Variants in NALCN observed in about 807,000 individuals in gnomAD.
NALCN encodes sodium leak channel, non-selective, also known as sodium leak channel NALCN.
NALCN carries 111 observed loss-of-function variants against 225.3 expected under a neutral mutation model. That is an observed-to-expected ratio of 0.49 (90% CI 0.42 to 0.58). The LOEUF (loss-of-function observed/expected upper bound fraction) is 0.58. Ranked by LOEUF, NALCN falls within the 20% of genes least tolerant of loss-of-function variation. The probability of loss-of-function intolerance (pLI) is 0.00; values close to 1 mark genes in which losing one functional copy is unlikely to be tolerated. For synonymous variants in NALCN, 764 were observed against 769.0 expected (o/e 0.99, Z 0.11); for missense variants, 1,378 against 2,202.4 (o/e 0.63, Z 7.49).
chr13:101,206,193 C>A (rs1025843749), intron 13 of NALCN, among the ~76,000 whole-genome samples: 3 of 152,006 alleles, frequency 2.0e-5, no homozygotes, highest in African/African-American at 7.2e-5. Context: ...AAATCTCACC[C>A]AATTCCTGCC....
At position 101,083,930 on chromosome 13, in the gene NALCN, G is replaced by A. The variant is rs537728491; in HGVS notation, c.3490-126C>T. ...TTGCACTGACCATGTTCTTCCAACC[G>A]TGGTGGTGAGAGAAACATGGTCAGA... On this transcript the variant is annotated intron_variant, in intron 30 of 43. Transcript: ENST00000251127. 14 of 758,710 alleles carry A rather than the reference G, an allele frequency of 1.8e-5. No individual in the cohort carries two copies. In the African/African-American group the frequency reaches 2.3e-4, roughly 12 times the overall value. The allele number at this position is 758,710 out of a possible 1,614,324, so 47.0% of individuals were successfully genotyped here.
chr13:101,296,237 G>A (rs1288992132), intron 7 of NALCN, among the ~76,000 whole-genome samples: 1 of 152,136 alleles, frequency 6.6e-6, no homozygotes, highest in East Asian at 1.9e-4. Flanking sequence ...TTTCATTTCT[G>A]TACCAGACAC....
chr13:101,250,921 C>T (rs1461753331), intron 11 of NALCN, among the ~76,000 whole-genome samples: 1 of 151,736 alleles, frequency 6.6e-6, no homozygotes, highest in Admixed American at 6.6e-5. Flanking sequence ...GGTCAAATCT[C>T]TATGGTAACC....
At chr13:101,199,566 G>A (rs943687735) in intron 13 of NALCN, among the ~76,000 whole-genome samples, 23 of 145,000 alleles carry the variant, frequency 1.6e-4, no homozygotes, top group Admixed American at 2.2e-4. Flanking sequence ...ACCAAACACC[G>A]CATGTTCTCA....
intron 18 of NALCN, among the ~76,000 whole-genome samples, chr13:101,114,012 G>T (rs2139658069): frequency 6.6e-6 from 1 of 152,222 alleles, no homozygotes; most frequent in East Asian, 1.9e-4. Context: ...GGTGCGTGGG[G>T]ACTGTGTGAC....
chr13:101,396,825 G>A (rs1410511146), intron 2 of NALCN, among the ~76,000 whole-genome samples: 1 of 151,690 alleles, frequency 6.6e-6, no homozygotes, highest in Non-Finnish European at 1.5e-5. Context: ...ATTAATTTTA[G>A]TAAGTGCCTC....
At chr13:101,276,837 G>A (rs917089822) in intron 10 of NALCN, among the ~76,000 whole-genome samples, 2 of 152,010 alleles carry the variant, frequency 1.3e-5, no homozygotes, top group Non-Finnish European at 2.9e-5. Flanking sequence ...TTGATATAAG[G>A]TAAAATATGT....
At chr13:101,082,105 T>G (rs2033685724) in intron 33 of NALCN, among the ~76,000 whole-genome samples, 1 of 152,166 alleles carries the variant, frequency 6.6e-6, no homozygotes, top group African/African-American at 2.4e-5. Flanking sequence ...CTCAAACTCC[T>G]GGCCTCAGGT....
At chr13:101,148,086 T>C (rs1448862984) in intron 15 of NALCN, among the ~76,000 whole-genome samples, 1 of 152,128 alleles carries the variant, frequency 6.6e-6, no homozygotes, top group African/African-American at 2.4e-5. Context: ...ATCTGCAATT[T>C]CTTACGGGTC....
chr13:101,097,492 T>C (rs1274392997), intron 27 of NALCN, among the ~76,000 whole-genome samples: 1 of 152,208 alleles, frequency 6.6e-6, no homozygotes, highest in African/African-American at 2.4e-5. Flanking sequence ...AGCCCACCTT[T>C]GATTGCATGA....
chr13:101,100,815 G>A lies in NALCN; in HGVS notation c.3131C>T (p.Ala1044Val). Residue 1044 changes from alanine to valine, a missense_variant, in exon 27 of 44, where the codon GCC becomes GTC. Transcript: ENST00000251127. ...FGVQLFAGKL[A>V]KCNDPNIIRR... ...AATAATGTTGGGATCATTGCACTTG[G>A]CCAGTTTTCCAGCAAAAAGCTGAAC... 2 of 1,610,680 alleles carry A rather than the reference G, an allele frequency of 1.2e-6. No individual in the cohort carries two copies. Among genetic ancestry groups the A allele is most frequent in the Non-Finnish European group, 1.7e-6 (2 of 1,178,258 alleles).
chr13:101,162,139 T>C (rs1178783445), intron 15 of NALCN, among the ~76,000 whole-genome samples: 1 of 152,178 alleles, frequency 6.6e-6, no homozygotes, highest in African/African-American at 2.4e-5. Flanking sequence ...CTGACCACCA[T>C]TTGTGTCGGG....
At position 101,149,249 on chromosome 13, in the gene NALCN, T is replaced by C. The variant is rs914549910; in HGVS notation, c.1840-4353A>G. ...TGGAGCTTACAGTGAGCCAAGATTG[T>C]GCCACTGCACTCCAGCCTGGGGGAC... On this transcript the variant is annotated intron_variant, in intron 15 of 43. Coordinates refer to ENST00000251127, the MANE Select transcript of NALCN (RefSeq NM_052867.4). 7.3e-5 allele frequency among the ~76,000 whole-genome samples: 11 copies of C among 149,828 alleles called. 1 individual carries two copies. In the South Asian group the frequency reaches 1.1e-3, roughly 14 times the overall value.
At chr13:101,299,021 A>T (rs1440865077) in intron 7 of NALCN, among the ~76,000 whole-genome samples, 1 of 152,256 alleles carries the variant, frequency 6.6e-6, no homozygotes, top group African/African-American at 2.4e-5. Flanking sequence ...ACAAGACTTA[A>T]AAATGACATT....
intron 11 of NALCN, among the ~76,000 whole-genome samples, chr13:101,244,478 C>T (rs1185641283): frequency 6.6e-6 from 1 of 152,154 alleles, no homozygotes; most frequent in Admixed American, 6.5e-5. Flanking sequence ...ATTTAAATAT[C>T]TATAGTCTCA....
intron 2 of NALCN, among the ~76,000 whole-genome samples, chr13:101,398,522 TCCTC>T (rs748076668): frequency 4.4e-4 from 67 of 152,306 alleles, no homozygotes; most frequent in South Asian, 8.3e-4. Flanking sequence ...TCTTCTCAAA[TCCTC>T]ATCAACTTAA....
At chr13:101,136,308 TTATTTA>T (rs368920353) in intron 17 of NALCN, among the ~76,000 whole-genome samples, 3,309 of 6,638 alleles carry the variant, frequency 0.5, 53 homozygotes, top group South Asian at 0.52. Flanking sequence ...ATTTATTTAT[TTATTTA>T]TATATTATAC....
intron 3 of NALCN, among the ~76,000 whole-genome samples, chr13:101,390,799 C>A (rs1200203057): frequency 1.3e-5 from 2 of 151,468 alleles, no homozygotes; most frequent in Non-Finnish European, 2.9e-5. Context: ...GAGACAAACA[C>A]CTTCGAAAAG....
At chr13:101,399,188 T>C (rs1767149364) in intron 1 of NALCN, 23 bp from the exon 2 acceptor site, 1 of 1,592,808 alleles carries the variant, frequency 6.3e-7, no homozygotes. Context: ...AAAGTTGTAT[T>C]TGTCATCTAA....
Sources: gnomAD v4.1 joint callset for allele counts (sites outside exome capture counted in the v4.1 genomes callset) on GRCh38, gnomAD v4.1.1 for gene constraint, MANE v1.5 for transcripts, NCBI Gene and HGNC (gene_info 2026-07-23, HGNC 2026-07-21) for gene names.